Variants in SAR1B observed in about 807,000 individuals in gnomAD.
SAR1B encodes the protein secretion associated Ras related GTPase 1B.
Under a neutral mutation model 26.8 loss-of-function variants are expected in SAR1B, and 23 were observed. The ratio of observed to expected loss-of-function variants is 0.86; its 90% CI spans 0.62 to 1.22. SAR1B has a LOEUF of 1.22. Among genes scored for constraint, SAR1B ranks in the 50% most tolerant of loss-of-function variants. The pLI, the probability that SAR1B is intolerant of heterozygous loss-of-function variation, is 0.00. For synonymous variants in SAR1B, 65 were observed against 80.8 expected (o/e 0.80, Z 1.05); for missense variants, 196 against 232.8 (o/e 0.84, Z 1.03).
At chr5:134,607,832 T>C (rs1765153746) in intron 6 of SAR1B, among the ~76,000 whole-genome samples, 1 of 151,892 alleles carries the variant, frequency 6.6e-6, no homozygotes, top group Non-Finnish European at 1.5e-5. Context: ...CCTGAAATAG[T>C]ATATGTAAAC....
intron 3 of SAR1B, chr5:134,613,120 C>T (rs1008698091): frequency 2.2e-5 from 7 of 313,784 alleles, no homozygotes; most frequent in East Asian, 1.9e-4. Flanking sequence ...CTTTGTTCTC[C>T]TCTGCCTTTG....
At chr5:134,623,423 G>A (rs1176589372) in intron 2 of SAR1B, among the ~76,000 whole-genome samples, 1 of 150,632 alleles carries the variant, frequency 6.6e-6, no homozygotes, top group Non-Finnish European at 1.5e-5. Flanking sequence ...CTGGGCGACA[G>A]AGCGAGACTC....
In SAR1B at chr5:134,602,843, A is replaced by C. The variant is rs1765060471; in HGVS notation, c.*4107T>G. 6.6e-6 allele frequency: 1 copy of C among 152,022 alleles called. No individual in the cohort carries two copies. The highest frequency in any genetic ancestry group is 6.6e-5 in the Admixed American group (1 of 15,246). 9.4% of individuals were successfully genotyped at this position (152,022 alleles called of 1,614,324 possible). A position where few individuals can be genotyped will look rare whatever the true frequency, so the allele number is the denominator to read the frequency against. On this transcript the variant is annotated 3_prime_UTR_variant, in exon 7 of 7. Transcript: ENST00000402673. ...CAGTGAGCCAAGATCGCACCACTGC[A>C]CTCCAGCCTGGGCAACAGAGTGAGA...
In SAR1B at chr5:134,606,839, A is replaced by G; in HGVS notation, c.*111T>C. ...TGATTTAATATTAATAATCTAAAAA[A>G]CATCTGTTTTATAACCAGCAAAAGT... On this transcript the variant is annotated 3_prime_UTR_variant, in exon 7 of 7. Transcript: ENST00000402673. 1 of 776,746 alleles carries G rather than the reference A, an allele frequency of 1.3e-6. No individual in the cohort carries two copies. Among genetic ancestry groups the G allele is most frequent in the Non-Finnish European group, 2.4e-6 (1 of 423,124 alleles). 48.1% of individuals were successfully genotyped at this position (776,746 alleles called of 1,614,324 possible). A position where few individuals can be genotyped will look rare whatever the true frequency, so the allele number is the denominator to read the frequency against.
At chr5:134,624,635 T>G (rs989259628) in intron 1 of SAR1B, among the ~76,000 whole-genome samples, 1 of 150,500 alleles carries the variant, frequency 6.6e-6, no homozygotes, top group Non-Finnish European at 1.5e-5. Flanking sequence ...GTTTTTTTTT[T>G]TTTTTTTTTT....
chr5:134,619,350 A>T (rs1246492149), intron 3 of SAR1B, among the ~76,000 whole-genome samples: 1 of 122,302 alleles, frequency 8.2e-6, no homozygotes, highest in East Asian at 3.0e-4. Flanking sequence ...AAAACTTTCA[A>T]TTTTTTTGGT....
chr5:134,626,548 C>T (rs533419448), intron 1 of SAR1B, among the ~76,000 whole-genome samples: 1 of 152,124 alleles, frequency 6.6e-6, no homozygotes, highest in Non-Finnish European at 1.5e-5. Flanking sequence ...GAAACATACA[C>T]ACGTCAGCAG....
At chr5:134,623,504 T>TAAAAAA (rs62986962) in intron 2 of SAR1B, among the ~76,000 whole-genome samples, 1 of 137,886 alleles carries the variant, frequency 7.3e-6, no homozygotes. Context: ...TCTATAAAAT[T>TAAAAAA]AAAAAAAAAA....
intron 1 of SAR1B, among the ~76,000 whole-genome samples, chr5:134,626,724 TTTAAA>T (rs1389956121): frequency 2.0e-5 from 3 of 152,182 alleles, no homozygotes; most frequent in Non-Finnish European, 4.4e-5. Flanking sequence ...GGATGGCTCA[TTTAAA>T]TGAAATATCC....
Position 134,626,898 on chromosome 5 carries a change from T to C in SAR1B, c.-18-2861A>G, listed in dbSNP as rs555759415. On this transcript the variant is annotated intron_variant, in intron 1 of 6. Transcript: ENST00000402673. ...TGTTTACACAACAATGTGACTATAC[T>C]AAAAACACTTAATGTACAATTTTAA... is the stretch of plus-strand genomic sequence containing the variant. Among the ~76,000 whole-genome samples, 195 of 152,276 alleles carry C rather than the reference T, an allele frequency of 1.3e-3. 1 individual carries two copies. The highest frequency in any genetic ancestry group is 4.4e-3 in the African/African-American group (184 of 41,568).
intron 1 of SAR1B, among the ~76,000 whole-genome samples, chr5:134,631,142 T>C (rs1362539083): frequency 6.6e-6 from 1 of 151,990 alleles, no homozygotes; most frequent in African/African-American, 2.4e-5. Flanking sequence ...GTTAGACTCA[T>C]CTTTTTTCTT....
At chr5:134,608,599 C>T in intron 5 of SAR1B, 96 bp from the exon 6 acceptor site, 1 of 1,324,682 alleles carries the variant, frequency 7.5e-7, no homozygotes, top group Non-Finnish European at 1.1e-6. Flanking sequence ...TCATTTTCTA[C>T]CATATCATGT....
intron 3 of SAR1B, among the ~76,000 whole-genome samples, chr5:134,615,801 A>G (rs1765302968): frequency 6.6e-6 from 1 of 152,014 alleles, no homozygotes; most frequent in South Asian, 2.1e-4. Context: ...TGGGCGACAG[A>G]GCAAGACTCC....
chr5:134,609,267 C>G, intron 5 of SAR1B: 1 of 436,838 alleles, frequency 2.3e-6, no homozygotes, highest in Non-Finnish European at 4.3e-6. Context: ...GACTCAAGAT[C>G]AACCCACTCC....
In SAR1B at chr5:134,612,677, A is replaced by AT; in HGVS notation, c.244+13_244+14insA. The AT allele has an allele frequency of 4.7e-6, 5 of 1,055,534 alleles. No homozygotes were observed. Among genetic ancestry groups the AT allele is most frequent in the African/African-American group, 1.6e-5 (1 of 61,024 alleles). The allele number at this position is 1,055,534 out of a possible 1,614,324, so 65.4% of individuals were successfully genotyped here. On this transcript the variant is annotated intron_variant, in intron 4 of 6. Coordinates refer to ENST00000402673, the MANE Select transcript of SAR1B (RefSeq NM_016103.4). Reference sequence around the variant, plus strand: ...AAAAAAAAAAAAAAAAAAAAAAAAAAAAAAGAATCTTACCTTGAACATGTC... The same window carrying AT: ...AAAAAAAAAAAAAAAAAAAAAAAAAATAAAAGAATCTTACCTTGAACATGTC...
At chr5:134,614,582 T>G (rs532075946) in intron 3 of SAR1B, 2 of 152,244 alleles carry the variant, frequency 1.3e-5, no homozygotes, top group Non-Finnish European at 2.9e-5. Flanking sequence ...GTTCTTTGAC[T>G]AGCCTTTTGG....
chr5:134,607,601 C>T (rs757627997), intron 6 of SAR1B, among the ~76,000 whole-genome samples: 10 of 151,870 alleles, frequency 6.6e-5, no homozygotes, highest in African/African-American at 1.5e-4. Context: ...GGAGAAACCC[C>T]GTCTCTACCA....
chr5:134,607,812 A>G (rs1765152463), intron 6 of SAR1B, among the ~76,000 whole-genome samples: 1 of 151,440 alleles, frequency 6.6e-6, no homozygotes, highest in African/African-American at 2.4e-5. Flanking sequence ...ATGCTGCAGT[A>G]TTTCTCCACC....
intron 6 of SAR1B, among the ~76,000 whole-genome samples, chr5:134,607,583 A>G (rs189144834): frequency 6.6e-6 from 1 of 151,922 alleles, no homozygotes; most frequent in East Asian, 1.9e-4. Context: ...GACCAGACTG[A>G]CCAACATGGA....
Sources: allele counts gnomAD v4.1 joint callset (sites outside exome capture counted in the v4.1 genomes callset), GRCh38; gene constraint gnomAD v4.1.1; transcripts MANE v1.5; gene names NCBI Gene and HGNC (gene_info 2026-07-23, HGNC 2026-07-21).